The following PCDHGA11 variants were observed in gnomAD, a reference collection of about 807,000 sequenced individuals.
PCDHGA11 encodes protocadherin gamma-A11.
Under a neutral mutation model 60.4 loss-of-function variants are expected in PCDHGA11, and 39 were observed. The observed-to-expected ratio is 0.65, with a 90% confidence interval of 0.50 to 0.84. The LOEUF (loss-of-function observed/expected upper bound fraction) is 0.84. PCDHGA11 is among the 40% of genes least tolerant of loss of function. The pLI, the probability that PCDHGA11 is intolerant of heterozygous loss-of-function variation, is 0.00. For missense variants in PCDHGA11, 1,165 were observed against 1,197.7 expected (o/e 0.97, Z 0.40); for synonymous variants, 533 against 510.3 (o/e 1.04, Z -0.60).
At position 141,487,051 on chromosome 5, in the gene PCDHGA11, G is replaced by A. The variant is rs1348441475; in HGVS notation, c.2434-7756G>A. The A allele has an allele frequency of 3.7e-6, 6 of 1,614,024 alleles. No individual in the cohort carries two copies. The highest frequency in any genetic ancestry group is 5.1e-6 in the Non-Finnish European group (6 of 1,180,024). On this transcript the variant is annotated intron_variant, in intron 1 of 3. Coordinates refer to ENST00000398587, the MANE Select transcript of PCDHGA11 (RefSeq NM_018914.3). This position sits in a 1 kb window ranked among gnomAD's most constrained non-coding sequence, Gnocchi z 5.0. ...TGTTTGCAGTCTCTCGATATGCTGG[G>A]GAGGTGCGGACGGCTGTTCCTATCC... is the stretch of plus-strand genomic sequence containing the variant.
At chr5:141,499,779 C>T (rs1450026011) in intron 2 of PCDHGA11, among the ~76,000 whole-genome samples, 3 of 151,452 alleles carry the variant, frequency 2.0e-5, no homozygotes, top group Non-Finnish European at 4.4e-5. Flanking sequence ...CTTCGCCTCC[C>T]GGGTTCAAGC....
At position 141,512,045 on chromosome 5, in the gene PCDHGA11, C is replaced by T. The variant is rs568357347; in HGVS notation, c.*872C>T. On this transcript the variant is annotated 3_prime_UTR_variant, in exon 4 of 4. Transcript: ENST00000398587. ...GGCCTTGGAGGAGGCTCTGTATGTC[C>T]TCAGGGGACTGACAACATCCTCCAG... The T allele has an allele frequency of 1.5e-3, 224 of 152,846 alleles. 2 individuals are homozygous for T. The highest frequency in any genetic ancestry group is 4.6e-4 in the Non-Finnish European group (31 of 68,130). The allele number at this position is 152,846 out of a possible 1,614,324, so 9.5% of individuals were successfully genotyped here. A position where few individuals can be genotyped will look rare whatever the true frequency, so the allele number is the denominator to read the frequency against.
Position 141,512,836 on chromosome 5 carries a change from T to G in PCDHGA11, c.*1663T>G, listed in dbSNP as rs1024777792. On this transcript the variant is annotated 3_prime_UTR_variant, in exon 4 of 4. Transcript: ENST00000398587. ...GGCGACCCCCTCCCCCGTACTGACTTCTCCTATAAGCGCTTCTCTTCGCAT... is the reference window on the plus strand; with the variant it reads ...GGCGACCCCCTCCCCCGTACTGACTGCTCCTATAAGCGCTTCTCTTCGCAT... 2 of 152,222 alleles carry G rather than the reference T, an allele frequency of 1.3e-5. No homozygotes were observed. Among genetic ancestry groups the G allele is most frequent in the African/African-American group, 4.8e-5 (2 of 41,412 alleles). The allele number at this position is 152,222 out of a possible 1,614,324, so 9.4% of individuals were successfully genotyped here. A position where few individuals can be genotyped will look rare whatever the true frequency, so the allele number is the denominator to read the frequency against.
Position 141,432,244 on chromosome 5 carries a change from C to T in PCDHGA11, c.2433+8584C>T. 1 of 1,614,262 alleles carries T rather than the reference C, an allele frequency of 6.2e-7. No homozygotes were observed. Among genetic ancestry groups the T allele is most frequent in the Non-Finnish European group, 8.5e-7 (1 of 1,180,048 alleles). On this transcript the variant is annotated intron_variant, in intron 1 of 3. Coordinates refer to ENST00000398587, the MANE Select transcript of PCDHGA11 (RefSeq NM_018914.3). The surrounding 1 kb of genome is among the most constrained non-coding windows in gnomAD (Gnocchi z 6.0). ...TCACTTATTCCCTGGCTGAGAACAC[C>T]ATCCAAGGGGCAAGCCTATCGTCCT...
intron 1 of PCDHGA11, among the ~76,000 whole-genome samples, chr5:141,448,040 C>T (rs892207188): frequency 6.6e-6 from 1 of 151,850 alleles, no homozygotes; most frequent in Admixed American, 6.6e-5. Context: ...GAGCCAAGAT[C>T]ATGCCATTGC....
intron 1 of PCDHGA11, chr5:141,427,971 C>A (rs764145525): frequency 1.3e-6 from 2 of 1,593,630 alleles, no homozygotes; most frequent in Non-Finnish European, 1.7e-6. Flanking sequence ...GGTGCTGTAC[C>A]CCGCGCTGGG....
Position 141,444,149 on chromosome 5 carries a change from T to C in PCDHGA11, c.2433+20489T>C, listed in dbSNP as rs180678850. On this transcript the variant is annotated intron_variant, in intron 1 of 3. Transcript: ENST00000398587. ...ACAGATATGTGTCACTTGTGTGTAC[T>C]GGATTTTTTTTTTTTTTTTTTTTTT... Among the ~76,000 whole-genome samples, 383 of 136,820 alleles carry C rather than the reference T, an allele frequency of 2.8e-3. 2 individuals carry two copies. Among genetic ancestry groups the C allele is most frequent in the Middle Eastern group, 0.012 (3 of 252 alleles). 89.8% of individuals were successfully genotyped at this position (136,820 alleles called of 152,430 possible). A position where few individuals can be genotyped will look rare whatever the true frequency, so the allele number is the denominator to read the frequency against.
At chr5:141,426,480 C>T (rs1379758117) in intron 1 of PCDHGA11, 4 of 325,590 alleles carry the variant, frequency 1.2e-5, no homozygotes, top group Non-Finnish European at 1.8e-5. Flanking sequence ...TGACCTGAAA[C>T]CTTAGAGTTA....
intron 1 of PCDHGA11, among the ~76,000 whole-genome samples, chr5:141,448,378 A>G (rs1288817591): frequency 6.6e-6 from 1 of 152,154 alleles, no homozygotes; most frequent in East Asian, 1.9e-4. Context: ...ATTTTTGAAT[A>G]GGAAATACAT....
At chr5:141,443,631 T>C (rs541727440) in intron 1 of PCDHGA11, among the ~76,000 whole-genome samples, 1 of 152,332 alleles carries the variant, frequency 6.6e-6, no homozygotes, top group South Asian at 2.1e-4. Context: ...ATTGTAAAAA[T>C]TGATCCAGAT....
In PCDHGA11 at chr5:141,476,432, G is replaced by T; in HGVS notation, c.2434-18375G>T. 6.2e-7 allele frequency: 1 copy of T among 1,614,116 alleles called. No individual in the cohort carries two copies. The highest frequency in any genetic ancestry group is 8.5e-7 in the Non-Finnish European group (1 of 1,180,028). ...GTGTGGGACACTGCCCTCTTGCACT[G>T]TAACTCTGGAGTTGGTAGTGGAGAA... On this transcript the variant is annotated intron_variant, in intron 1 of 3. Coordinates refer to ENST00000398587, the MANE Select transcript of PCDHGA11 (RefSeq NM_018914.3). The surrounding 1 kb of genome is among the most constrained non-coding windows in gnomAD (Gnocchi z 7.6).
rs891428609 is a variant in PCDHGA11, at chr5:141,503,553, C to T, written c.2493-1840C>T. Among the ~76,000 whole-genome samples the T allele has an allele frequency of 9.4e-5, 14 of 149,164 alleles. No homozygotes were observed. In the East Asian group the frequency reaches 2.2e-3, roughly 23 times the overall value. On this transcript the variant is annotated intron_variant, in intron 2 of 3. Coordinates refer to ENST00000398587, the MANE Select transcript of PCDHGA11 (RefSeq NM_018914.3). ...GGCAGAGGTTGCAGTGAGCCGAGAT[C>T]GCGCCACTGTACTCCAGCCTGGGTG...
intron 1 of PCDHGA11, among the ~76,000 whole-genome samples, chr5:141,462,839 T>C (rs1020663897): frequency 8.5e-5 from 13 of 152,228 alleles, no homozygotes; most frequent in Non-Finnish European, 1.5e-4. Context: ...GTAAATGTTA[T>C]ATTTTTGAGT....
chr5:141,429,395 A>AAT (rs2097212201), intron 1 of PCDHGA11, among the ~76,000 whole-genome samples: 7 of 152,008 alleles, frequency 4.6e-5, no homozygotes, highest in African/African-American at 1.7e-4. Flanking sequence ...TTTAAAAAAA[A>AAT]TTGAGATTAA....
chr5:141,487,512 C>T lies in PCDHGA11; in HGVS notation c.2434-7295C>T, dbSNP rs372606253. The stretch of plus-strand genomic sequence containing the variant: ...TGTACACCCTTGGCTTCTGCACCCA[C>T]TCGGAGTGATAGCTTCATGATGGTG... On this transcript the variant is annotated intron_variant, in intron 1 of 3. Transcript: ENST00000398587. This position sits in a 1 kb window ranked among gnomAD's most constrained non-coding sequence, Gnocchi z 5.0. 3.7e-6 allele frequency: 6 copies of T among 1,614,082 alleles called. No homozygotes were observed. The highest frequency in any genetic ancestry group is 5.1e-6 in the Non-Finnish European group (6 of 1,180,044).
At chr5:141,464,408 T>C (rs2154568477) in intron 1 of PCDHGA11, among the ~76,000 whole-genome samples, 1 of 151,718 alleles carries the variant, frequency 6.6e-6, no homozygotes, top group African/African-American at 2.4e-5. Flanking sequence ...CTGAGATATA[T>C]ATATATCTAT....
Position 141,491,522 on chromosome 5 carries a change from A to G in PCDHGA11, c.2434-3285A>G, listed in dbSNP as rs778246278. ...TCGGACGGCACGCTCAAGTACATGG[A>G]GGTGACGCTGCGGCCCACAGACTCG... is the stretch of plus-strand genomic sequence containing the variant. On this transcript the variant is annotated intron_variant, in intron 1 of 3. Coordinates refer to ENST00000398587, the MANE Select transcript of PCDHGA11 (RefSeq NM_018914.3). The surrounding 1 kb of genome is among the most constrained non-coding windows in gnomAD (Gnocchi z 6.9). 8.1e-6 allele frequency: 13 copies of G among 1,614,024 alleles called. No homozygotes were observed. Among genetic ancestry groups the G allele is most frequent in the Non-Finnish European group, 1.1e-5 (13 of 1,180,002 alleles).
At chr5:141,488,268 C>T (rs1371050827) in intron 1 of PCDHGA11, among the ~76,000 whole-genome samples, 1 of 152,170 alleles carries the variant, frequency 6.6e-6, no homozygotes, top group East Asian at 1.9e-4. Context: ...GCGGGTTGGT[C>T]ATCACCTTTG....
intron 1 of PCDHGA11, among the ~76,000 whole-genome samples, chr5:141,446,167 G>A (rs1357034077): frequency 6.6e-6 from 1 of 152,188 alleles, no homozygotes; most frequent in African/African-American, 2.4e-5. Flanking sequence ...ATTTCATGAG[G>A]GCAGGGGGTG....
Sources: gnomAD v4.1 joint callset for allele counts (sites outside exome capture counted in the v4.1 genomes callset) on GRCh38, gnomAD v4.1.1 for gene constraint, Gnocchi (gnomAD v3.1) non-coding constraint, MANE v1.5 for transcripts, NCBI Gene and HGNC (gene_info 2026-07-23, HGNC 2026-07-21) for gene names.